The following IGFBP2 variants were observed in gnomAD, a reference collection of about 807,000 sequenced individuals.
IGFBP2 encodes insulin like growth factor binding protein 2.
Under a neutral mutation model 26.2 loss-of-function variants are expected in IGFBP2, and 12 were observed. That is an observed-to-expected ratio of 0.46 (90% CI 0.29 to 0.74). The LOEUF is 0.74. IGFBP2 is among the 30% of genes least tolerant of loss of function. The probability of loss-of-function intolerance (pLI) is 0.09; values close to 1 mark genes in which losing one functional copy is unlikely to be tolerated. For synonymous variants in IGFBP2, 189 were observed against 200.6 expected (o/e 0.94, Z 0.49); for missense variants, 328 against 441.2 (o/e 0.74, Z 2.30).
intron 1 of IGFBP2, among the ~76,000 whole-genome samples, chr2:216,646,008 A>G (rs895839491): frequency 6.6e-6 from 1 of 152,232 alleles, no homozygotes; most frequent in Non-Finnish European, 1.5e-5. Context: ...GTGATATACT[A>G]TCAGACAAAA....
intron 1 of IGFBP2, among the ~76,000 whole-genome samples, chr2:216,650,383 C>T (rs1697796086): frequency 6.6e-6 from 1 of 152,212 alleles, no homozygotes; most frequent in African/African-American, 2.4e-5. Context: ...GAACCTCAGT[C>T]CTTCCTCCCA....
At position 216,660,585 on chromosome 2, in the gene IGFBP2, C is replaced by A. The variant is rs1202732457; in HGVS notation, c.471C>A (p.Gly157=). 1 of 1,611,496 alleles carries A rather than the reference C, an allele frequency of 6.2e-7. No homozygotes were observed. The highest frequency in any genetic ancestry group is 1.3e-5 in the African/African-American group (1 of 74,996). ...ADNGDDHSEG[G]LVENHVDSTM... ...ATGGCGATGACCACTCAGAAGGAGG[C>A]CTGGTGGAGAACCACGTGGACAGCA... The change falls in exon 2 of 4, where the codon GGC becomes GGA. Residue 157 remains glycine (G), a synonymous_variant. Coordinates refer to ENST00000233809, the MANE Select transcript of IGFBP2 (RefSeq NM_000597.3).
At chr2:216,641,019 G>C (rs754743438) in intron 1 of IGFBP2, among the ~76,000 whole-genome samples, 1 of 152,174 alleles carries the variant, frequency 6.6e-6, no homozygotes, top group African/African-American at 2.4e-5. Flanking sequence ...CATATTGACC[G>C]GGGTTGGTTC....
chr2:216,638,174 C>T (rs1219178196), intron 1 of IGFBP2, among the ~76,000 whole-genome samples: 3 of 147,440 alleles, frequency 2.0e-5, no homozygotes, highest in Non-Finnish European at 3.0e-5. Context: ...GGCAACAGAG[C>T]AAAAAAACTC....
At chr2:216,661,001 T>C (rs1347022451) in intron 2 of IGFBP2, 10 of 581,654 alleles carry the variant, frequency 1.7e-5, no homozygotes, top group Non-Finnish European at 3.1e-5. Flanking sequence ...TTCTTGATGT[T>C]CTTTCCTTCT....
At chr2:216,634,539 C>A (rs4674106) in intron 1 of IGFBP2, among the ~76,000 whole-genome samples, 104,495 of 152,250 alleles carry the variant, frequency 0.69, 36,041 homozygotes, top group Middle Eastern at 0.85. Flanking sequence ...ATGAAAACCA[C>A]CACTACTATT....
chr2:216,639,193 C>T (rs149173122), intron 1 of IGFBP2, among the ~76,000 whole-genome samples: 172 of 152,030 alleles, frequency 1.1e-3, no homozygotes, highest in Middle Eastern at 6.8e-3. Flanking sequence ...CCACCATACA[C>T]GGTTAATATT....
chr2:216,662,183 T>G, intron 3 of IGFBP2, 185 bp downstream of exon 3: 1 of 657,874 alleles, frequency 1.5e-6, no homozygotes, highest in Non-Finnish European at 2.6e-6. Context: ...CTCTTCTCCC[T>G]GCCTCCGACG....
rs571574066 is a variant in IGFBP2, at chr2:216,655,942, T to C, written c.443-4615T>C. ...AAAAAACCATATTTTATAACTTGTTTAATAAATGCAAATGTATTAATATTA... is the reference window on the plus strand; with the variant it reads ...AAAAAACCATATTTTATAACTTGTTCAATAAATGCAAATGTATTAATATTA... On this transcript the variant is annotated intron_variant, in intron 1 of 3. Transcript: ENST00000233809. Among the ~76,000 whole-genome samples, 3 of 152,176 alleles carry C rather than the reference T, an allele frequency of 2.0e-5. No individual in the cohort carries two copies. In the South Asian group the frequency reaches 6.2e-4, roughly 32 times the overall value.
intron 1 of IGFBP2, among the ~76,000 whole-genome samples, chr2:216,649,662 C>T (rs1047603416): frequency 2.0e-5 from 3 of 152,214 alleles, no homozygotes; most frequent in Admixed American, 6.5e-5. Context: ...GCTTGGCTCA[C>T]GGGGCCCCAG....
chr2:216,656,374 G>A (rs547453315), intron 1 of IGFBP2, among the ~76,000 whole-genome samples: 5 of 152,302 alleles, frequency 3.3e-5, no homozygotes, highest in East Asian at 1.9e-4. Flanking sequence ...GGTCTTAGCC[G>A]TGGATGCGGA....
At chr2:216,653,540 G>C (rs1454963514) in intron 1 of IGFBP2, among the ~76,000 whole-genome samples, 1 of 152,216 alleles carries the variant, frequency 6.6e-6, no homozygotes, top group Non-Finnish European at 1.5e-5. Context: ...GTGAAGAATG[G>C]CAGAGAGGTT....
chr2:216,656,304 T>A (rs2106203053), intron 1 of IGFBP2, among the ~76,000 whole-genome samples: 1 of 152,316 alleles, frequency 6.6e-6, no homozygotes, highest in African/African-American at 2.4e-5. Flanking sequence ...GGGAAGATCC[T>A]GTGCCCTGCC....
chr2:216,633,580 G>A lies in IGFBP2; in HGVS notation c.57G>A (p.Pro19=), dbSNP rs1316035470. The A allele has an allele frequency of 2.0e-6, 2 of 1,015,918 alleles. No individual in the cohort carries two copies. Among genetic ancestry groups the A allele is most frequent in the Admixed American group, 5.8e-5 (1 of 17,150 alleles). The allele number at this position is 1,015,918 out of a possible 1,614,324, so 62.9% of individuals were successfully genotyped here. The part of the protein sequence containing the change: ...ALPLPPPPLL[P]LLLLLLGASG... ...CGCTGCCGCCGCCGCCGCTGCTGCC[G>A]CTGCTGCTGCTGCTACTGGGCGCGA... Residue 19 remains proline, a synonymous_variant, in exon 1 of 4, where the codon CCG becomes CCA. Coordinates refer to ENST00000233809, the MANE Select transcript of IGFBP2 (RefSeq NM_000597.3).
At chr2:216,638,825 G>A (rs1337783058) in intron 1 of IGFBP2, among the ~76,000 whole-genome samples, 3 of 149,372 alleles carry the variant, frequency 2.0e-5, no homozygotes, top group South Asian at 2.1e-4. Context: ...TCAGCCTCCC[G>A]AGTAGTTGGG....
At chr2:216,663,445 A>G (rs1300768838) in intron 3 of IGFBP2, 2 of 152,598 alleles carry the variant, frequency 1.3e-5, no homozygotes, top group African/African-American at 2.4e-5. Context: ...TAATAATGGC[A>G]TCTAATTCAC....
At chr2:216,659,556 C>T in intron 1 of IGFBP2, 1 of 634,996 alleles carries the variant, frequency 1.6e-6, no homozygotes, top group South Asian at 1.7e-5. Flanking sequence ...CTGGTTACAG[C>T]TCTGCCGTGC....
Position 216,633,644 on chromosome 2 carries a change from C to T in IGFBP2, c.121C>T (p.Arg41Cys). The change falls in exon 1 of 4, where the codon CGC (arginine) becomes TGC (cysteine). Residue 41 changes from arginine (R) to cysteine (C), a missense_variant. Coordinates refer to ENST00000233809, the MANE Select transcript of IGFBP2 (RefSeq NM_000597.3). ...GGGARAEVLF[R>C]CPPCTPERLA... ...CGGGGCGCGCGCGGAGGTGCTGTTC[C>T]GCTGCCCGCCCTGCACACCCGAGCG... is the stretch of plus-strand genomic sequence containing the variant. 2 of 1,063,786 alleles carry T rather than the reference C, an allele frequency of 1.9e-6. No individual in the cohort carries two copies. Among genetic ancestry groups the T allele is most frequent in the Non-Finnish European group, 2.3e-6 (2 of 884,232 alleles). The allele number at this position is 1,063,786 out of a possible 1,614,324, so 65.9% of individuals were successfully genotyped here. A position where few individuals can be genotyped will look rare whatever the true frequency, so the allele number is the denominator to read the frequency against.
At chr2:216,658,848 G>A (rs974829314) in intron 1 of IGFBP2, among the ~76,000 whole-genome samples, 1 of 152,130 alleles carries the variant, frequency 6.6e-6, no homozygotes, top group Admixed American at 6.5e-5. Flanking sequence ...CACCACACCC[G>A]GCCTAAGTCA....
Sources: gnomAD v4.1 joint callset for allele counts (sites outside exome capture counted in the v4.1 genomes callset) on GRCh38, gnomAD v4.1.1 for gene constraint, MANE v1.5 for transcripts, NCBI Gene and HGNC (gene_info 2026-07-23, HGNC 2026-07-21) for gene names.